OR52E4: variants seen among roughly 807,000 people sequenced by gnomAD.
OR52E4 encodes olfactory receptor family 52 subfamily E member 4.
For missense variants in OR52E4, 444 were observed against 383.8 expected (o/e 1.16, Z -1.31); for synonymous variants, 169 against 137.4 (o/e 1.23, Z -1.61).
In OR52E4 at chr11:5,885,341, C is replaced by A. The variant is rs2343152; in HGVS notation, c.*110C>A. 0.79 allele frequency: 608,342 copies of A among 768,482 alleles called. 241,677 individuals carry two copies. The highest frequency in any genetic ancestry group is 0.88 in the African/African-American group (49,909 of 56,778). The allele number at this position is 768,482 out of a possible 1,614,324, so 47.6% of individuals were successfully genotyped here. A position where few individuals can be genotyped will look rare whatever the true frequency, so the allele number is the denominator to read the frequency against. On this transcript the variant is annotated 3_prime_UTR_variant, in exon 2 of 2. Coordinates refer to ENST00000641726, the MANE Select transcript of OR52E4 (RefSeq NM_001005165.2). ...TTGGTCATGCTTGTCAGATTTTTTC[C>A]TTTTGACTGGAAGTGCTTTAGTGTT... is the stretch of plus-strand genomic sequence containing the variant.
intron 1 of OR52E4, among the ~76,000 whole-genome samples, chr11:5,881,698 T>C (rs369539469): frequency 1.7e-3 from 253 of 152,250 alleles, no homozygotes; most frequent in African/African-American, 5.4e-3. Context: ...TTGGGAGCAT[T>C]AATAAAATAA....
rs770668224 is a variant in OR52E4, at chr11:5,885,208, A to G, written c.916A>G (p.Lys306Glu). The part of the protein sequence containing the change: ...RTKQIREQIV[K>E]IFVQKE ...CAAGCAGATCCGAGAGCAAATTGTG[A>G]AAATATTTGTACAGAAAGAATAATT... is the stretch of plus-strand genomic sequence containing the variant. Residue 306 changes from lysine to glutamate, a missense_variant, in exon 2 of 2, where the codon AAA (lysine) becomes GAA (glutamate). Physicochemically the swap from Lys to Glu is moderately conservative, Grantham distance 56. Transcript: ENST00000641726. 5.3e-5 allele frequency: 84 copies of G among 1,595,980 alleles called. No individual in the cohort carries two copies. The highest frequency in any genetic ancestry group is 1.7e-4 in the Middle Eastern group (1 of 5,970).
Position 5,884,425 on chromosome 11 carries a change from A to G in OR52E4, c.133A>G (p.Met45Val). The change falls in exon 2 of 2, where the codon ATG (methionine) becomes GTG (valine). Residue 45 changes from methionine (M) to valine (V), a missense_variant. Physicochemically the swap from Met to Val is conservative, Grantham distance 21 (BLOSUM62 1). Transcript: ENST00000641726. ...IVYLIAIVGN[M>V]TILFVIKTEH... is the part of the protein sequence containing the mutation. The stretch of plus-strand genomic sequence containing the variant: ...GTACCTGATTGCCATTGTGGGGAAT[A>G]TGACCATTCTCTTTGTGATCAAAAC... 1 of 1,613,474 alleles carries G rather than the reference A, an allele frequency of 6.2e-7. No individual in the cohort carries two copies. Among genetic ancestry groups the G allele is most frequent in the Non-Finnish European group, 8.5e-7 (1 of 1,179,604 alleles).
chr11:5,883,714 G>C (rs1219327706), intron 1 of OR52E4, among the ~76,000 whole-genome samples: 1 of 151,956 alleles, frequency 6.6e-6, no homozygotes, highest in Non-Finnish European at 1.5e-5. Flanking sequence ...TAATAGAGCT[G>C]AAATCTCACA....
In OR52E4 at chr11:5,884,835, T is replaced by G; in HGVS notation, c.543T>G (p.Cys181Trp). Reference sequence around the variant, plus strand: ...ATAACATCGTACCTCACACATACTGTGAGCACAGGGGTCTGGCCGGGTTGG... The same window carrying G: ...ATAACATCGTACCTCACACATACTGGGAGCACAGGGGTCTGGCCGGGTTGG... ...CGHNIVPHTY[C>W]EHRGLAGLAC... is the part of the protein sequence containing the mutation. Residue 181 changes from cysteine (C) to tryptophan (W), a missense_variant, in exon 2 of 2, where the codon TGT becomes TGG. Physicochemically the swap from Cys to Trp is radical, Grantham distance 215. Coordinates refer to ENST00000641726, the MANE Select transcript of OR52E4 (RefSeq NM_001005165.2). 1 of 1,613,524 alleles carries G rather than the reference T, an allele frequency of 6.2e-7. No homozygotes were observed. The highest frequency in any genetic ancestry group is 8.5e-7 in the Non-Finnish European group (1 of 1,179,636).
chr11:5,884,640 G>A lies in OR52E4; in HGVS notation c.348G>A (p.Leu116=). The A allele has an allele frequency of 1.2e-6, 2 of 1,613,524 alleles. No homozygotes were observed. The highest frequency in any genetic ancestry group is 1.7e-6 in the Non-Finnish European group (2 of 1,179,704). ...TGTTTACAGGCATGGAGACTGTTCT[G>A]TTGGTGGTCATGGCTTATGACCGCT... The part of the protein sequence containing the change: ...IHMFTGMETV[L]LVVMAYDRFV... Residue 116 remains leucine (L), a synonymous_variant, in exon 2 of 2, where the codon CTG becomes CTA. Transcript: ENST00000641726.
intron 1 of OR52E4, among the ~76,000 whole-genome samples, chr11:5,882,859 C>A (rs1190864547): frequency 2.0e-5 from 3 of 152,102 alleles, no homozygotes; most frequent in Non-Finnish European, 2.9e-5. Context: ...ACAATGATTA[C>A]CCCTGGTTCT....
Position 5,884,427 on chromosome 11 carries a change from G to A in OR52E4, c.135G>A (p.Met45Ile), listed in dbSNP as rs1240313644. 3 of 1,613,374 alleles carry A rather than the reference G, an allele frequency of 1.9e-6. No individual in the cohort carries two copies. Among genetic ancestry groups the A allele is most frequent in the Admixed American group, 3.3e-5 (2 of 59,918 alleles). The stretch of plus-strand genomic sequence containing the variant: ...ACCTGATTGCCATTGTGGGGAATAT[G>A]ACCATTCTCTTTGTGATCAAAACTG... ...IVYLIAIVGN[M>I]TILFVIKTEH... The change falls in exon 2 of 2, where the codon ATG becomes ATA. Residue 45 changes from methionine to isoleucine, a missense_variant. Physicochemically the swap from Met to Ile is conservative, Grantham distance 10 (BLOSUM62 1). Transcript: ENST00000641726.
chr11:5,880,859 A>G (rs1846953641), intron 1 of OR52E4, 145 bp downstream of exon 1: 1 of 78,036 alleles, frequency 1.3e-5, no homozygotes, highest in African/African-American at 5.2e-5. Flanking sequence ...GGAACACAAC[A>G]GAGCACATGG....
chr11:5,882,225 C>T (rs1445783490), intron 1 of OR52E4, among the ~76,000 whole-genome samples: 1 of 152,054 alleles, frequency 6.6e-6, no homozygotes, highest in Non-Finnish European at 1.5e-5. Flanking sequence ...TCAGGTAAAA[C>T]TGTGAGAGGG....
Position 5,884,928 on chromosome 11 carries a change from G to T in OR52E4, c.636G>T (p.Val212=). The change falls in exon 2 of 2, where the codon GTG becomes GTT. Residue 212 remains valine (V), a synonymous_variant. Transcript: ENST00000641726. The stretch of plus-strand genomic sequence containing the variant: ...TGATTTCTTATATTATTGTGGATGT[G>T]ATCTTAATTGCCTCTTCCTATGTGC... ...LMVISYIIVD[V]ILIASSYVLI... is the part of the protein sequence containing the mutation. 1 of 1,612,974 alleles carries T rather than the reference G, an allele frequency of 6.2e-7. No homozygotes were observed. The highest frequency in any genetic ancestry group is 8.5e-7 in the Non-Finnish European group (1 of 1,179,178).
In OR52E4 at chr11:5,883,468, T is replaced by A. The variant is rs140300623; in HGVS notation, c.-74-751T>A. On this transcript the variant is annotated intron_variant, in intron 1 of 1. Transcript: ENST00000641726. ...TTCTCCTTTGTACTAGGAATCTTTG[T>A]CTCATCTAGAAACTATTGAGATACT... Among the ~76,000 whole-genome samples the A allele has an allele frequency of 1.6e-3, 246 of 152,144 alleles. 1 individual carries two copies. Among genetic ancestry groups the A allele is most frequent in the African/African-American group, 5.6e-3 (234 of 41,542 alleles).
In OR52E4 at chr11:5,880,866, A is replaced by G. The variant is rs1347957570; in HGVS notation, c.-75+152A>G. ...TTCACAGAGGAACACAACAGAGCACATGGGATTGGTGAGGGCAGTGGTGTA... is the reference window on the plus strand; with the variant it reads ...TTCACAGAGGAACACAACAGAGCACGTGGGATTGGTGAGGGCAGTGGTGTA... On this transcript the variant is annotated intron_variant, in intron 1 of 1. Coordinates refer to ENST00000641726, the MANE Select transcript of OR52E4 (RefSeq NM_001005165.2). Among the ~76,000 whole-genome samples, 31 of 34,340 alleles carry G rather than the reference A, an allele frequency of 9.0e-4. 1 individual carries two copies. The highest frequency in any genetic ancestry group is 1.6e-3 in the Non-Finnish European group (29 of 17,624). 22.5% of individuals were successfully genotyped at this position (34,340 alleles called of 152,430 possible).
intron 1 of OR52E4, among the ~76,000 whole-genome samples, chr11:5,881,350 G>A (rs1846961153): frequency 6.6e-6 from 1 of 152,098 alleles, no homozygotes; most frequent in Admixed American, 6.6e-5. Context: ...CAATGGCACA[G>A]TTATGGAAGA....
At chr11:5,883,239 C>A (rs1458766631) in intron 1 of OR52E4, among the ~76,000 whole-genome samples, 1 of 151,898 alleles carries the variant, frequency 6.6e-6, no homozygotes, top group African/African-American at 2.4e-5. Flanking sequence ...ATGACAGGAT[C>A]TTGGAGAAAC....
rs965350004 is a variant in OR52E4 at position 5,886,520 on chromosome 11, G to C, written c.*1289G>C. On this transcript the variant is annotated 3_prime_UTR_variant, in exon 2 of 2. Transcript: ENST00000641726. ...AGAAAAACAATTAGGCTCAAGCTAT[G>C]GTAAGCACAGGGCCAGACTTGATAT... 2 of 151,970 alleles carry C rather than the reference G, an allele frequency of 1.3e-5. No homozygotes were observed. Among genetic ancestry groups the C allele is most frequent in the Non-Finnish European group, 2.9e-5 (2 of 67,964 alleles). The allele number at this position is 151,970 out of a possible 1,614,324, so 9.4% of individuals were successfully genotyped here. A position where few individuals can be genotyped will look rare whatever the true frequency, so the allele number is the denominator to read the frequency against.
intron 1 of OR52E4, among the ~76,000 whole-genome samples, chr11:5,881,851 GA>G (rs1431795976): frequency 6.6e-6 from 1 of 151,950 alleles, no homozygotes; most frequent in African/African-American, 2.4e-5. Flanking sequence ...TCTGGTTAAA[GA>G]ATCTGTCCAA....
rs922383472 is a variant in OR52E4, at chr11:5,885,552, G to T, written c.*321G>T. The T allele has an allele frequency of 4.7e-5, 10 of 214,390 alleles. No individual in the cohort carries two copies. The highest frequency in any genetic ancestry group is 8.3e-5 in the Non-Finnish European group (9 of 108,182). 13.3% of individuals were successfully genotyped at this position (214,390 alleles called of 1,614,324 possible). On this transcript the variant is annotated 3_prime_UTR_variant, in exon 2 of 2. Coordinates refer to ENST00000641726, the MANE Select transcript of OR52E4 (RefSeq NM_001005165.2). ...TTTTTTCCATATGTCTTCTCTCTAG[G>T]TAAGTTTAGATCCTGAAGGATACTG...
chr11:5,882,150 GA>G (rs2134274223), intron 1 of OR52E4, among the ~76,000 whole-genome samples: 1 of 152,192 alleles, frequency 6.6e-6, no homozygotes, highest in South Asian at 2.1e-4. Flanking sequence ...AAATGATCTT[GA>G]GGTTATTGGC....
Sources: allele counts gnomAD v4.1 joint callset (sites outside exome capture counted in the v4.1 genomes callset), GRCh38; gene constraint gnomAD v4.1.1; transcripts MANE v1.5; gene names NCBI Gene and HGNC (gene_info 2026-07-23, HGNC 2026-07-21).